AP1B1: variants seen among roughly 807,000 people sequenced by gnomAD.
The protein encoded by AP1B1 is AP-1 complex subunit beta-1.
Under a neutral mutation model 104.3 loss-of-function variants are expected in AP1B1, and 36 were observed. The observed-to-expected ratio is 0.35, with a 90% CI of 0.26 to 0.46. AP1B1 has a LOEUF of 0.46. AP1B1 is among the 20% of genes least tolerant of loss of function. The pLI, the probability that AP1B1 is intolerant of heterozygous loss-of-function variation, is 1.00. For synonymous variants in AP1B1, 504 were observed against 517.5 expected, an observed-to-expected ratio of 0.97 and a Z score of 0.35; for missense variants, 901 against 1,247.9, an observed-to-expected ratio of 0.72 and a Z score of 4.19.
intron 1 of AP1B1, among the ~76,000 whole-genome samples, chr22:29,369,948 T>C (rs1191818135): frequency 1.3e-5 from 2 of 148,586 alleles, no homozygotes; most frequent in Admixed American, 1.4e-4. Context: ...AATCAGATAA[T>C]GGGATTTCTG....
At chr22:29,335,173 T>C (rs1031914740) in intron 16 of AP1B1, among the ~76,000 whole-genome samples, 2 of 152,094 alleles carry the variant, frequency 1.3e-5, no homozygotes, top group African/African-American at 2.4e-5. Context: ...TGGGGAGTGT[T>C]TGCTGAGCAA....
At chr22:29,336,090 T>C (rs770344665) in intron 16 of AP1B1, among the ~76,000 whole-genome samples, 12 of 152,186 alleles carry the variant, frequency 7.9e-5, no homozygotes, top group Non-Finnish European at 1.6e-4. Flanking sequence ...ATCTTCAATC[T>C]TTACTGGATG....
intron 15 of AP1B1, 106 bp from the exon 16 acceptor site, chr22:29,339,239 G>T: frequency 1.5e-6 from 2 of 1,299,242 alleles, no homozygotes; most frequent in Middle Eastern, 2.6e-4. Context: ...TGGGGGCAGG[G>T]GGCAGGACAG....
chr22:29,380,480 C>T (rs2062419564), intron 1 of AP1B1, among the ~76,000 whole-genome samples: 1 of 152,152 alleles, frequency 6.6e-6, no homozygotes, highest in African/African-American at 2.4e-5. Flanking sequence ...TAGCAGGCAG[C>T]TCAAACAATG....
chr22:29,366,170 G>A (rs118179779), intron 2 of AP1B1, among the ~76,000 whole-genome samples: 3,370 of 152,244 alleles, frequency 0.022, 54 homozygotes, highest in Non-Finnish European at 0.036. Flanking sequence ...TGTCAGCCAC[G>A]ACGACATCCT....
intron 2 of AP1B1, among the ~76,000 whole-genome samples, chr22:29,364,142 C>T (rs941161781): frequency 3.3e-5 from 5 of 152,182 alleles, no homozygotes; most frequent in African/African-American, 1.2e-4. Context: ...TTTGTGGATT[C>T]CCACATGAAG....
intron 11 of AP1B1, among the ~76,000 whole-genome samples, chr22:29,343,725 G>A (rs1360376163): frequency 1.3e-5 from 2 of 152,120 alleles, no homozygotes; most frequent in Admixed American, 1.3e-4. Flanking sequence ...ACAGACCCTC[G>A]GCAAGTCATT....
At position 29,339,089 on chromosome 22, in the gene AP1B1, T is replaced by C. The variant is rs761107992; in HGVS notation, c.2064A>G (p.Pro688=). ...NFVAPPTAAV[P]ANLGAPIGSG... ...TGCCGATGGGTGCTCCAAGATTGGC[T>C]GGTACTGCTGCTGTTGGAGGTGCCA... Residue 688 remains proline, a synonymous_variant, in exon 16 of 23, where the codon CCA becomes CCG. Transcript: ENST00000357586. 11 of 1,614,018 alleles carry C rather than the reference T, an allele frequency of 6.8e-6. No individual in the cohort carries two copies. The highest frequency in any genetic ancestry group is 9.3e-6 in the Non-Finnish European group (11 of 1,180,036).
At chr22:29,360,132 T>C (rs748076511) in intron 3 of AP1B1, among the ~76,000 whole-genome samples, 173 bp from the exon 4 acceptor site, 17 of 152,106 alleles carry the variant, frequency 1.1e-4, no homozygotes, top group Non-Finnish European at 2.1e-4. Context: ...CAACACCTAT[T>C]GATAGAAAGG....
At chr22:29,338,027 T>C (rs1203265902) in intron 16 of AP1B1, among the ~76,000 whole-genome samples, 1 of 152,230 alleles carries the variant, frequency 6.6e-6, no homozygotes, top group Non-Finnish European at 1.5e-5. Flanking sequence ...CCTCCTTCAC[T>C]GATCCCTAGT....
intron 1 of AP1B1, among the ~76,000 whole-genome samples, chr22:29,376,451 G>A (rs1206266576): frequency 6.6e-6 from 1 of 152,150 alleles, no homozygotes; most frequent in Admixed American, 6.5e-5. Flanking sequence ...CATTTCACAA[G>A]GTCAGATCCA....
rs2061546225 is a variant in AP1B1 at position 29,330,790 on chromosome 22, C to G, written c.2525-81G>C. ...CTCTGTAGCTCAGCAGGAAATGGGT[C>G]TGGCCTTTACTGTGCCACGTGAAAG... On this transcript the variant is annotated intron_variant, in intron 19 of 22. Coordinates refer to ENST00000357586, the MANE Select transcript of AP1B1 (RefSeq NM_001127.4). 14 of 1,198,892 alleles carry G rather than the reference C, an allele frequency of 1.2e-5. No individual in the cohort carries two copies. The South Asian group carries it at 1.8e-4, about 15-fold the overall frequency. The allele number at this position is 1,198,892 out of a possible 1,614,324, so 74.3% of individuals were successfully genotyped here.
intron 2 of AP1B1, among the ~76,000 whole-genome samples, chr22:29,363,614 C>T (rs2062085632): frequency 6.6e-6 from 1 of 151,590 alleles, no homozygotes; most frequent in African/African-American, 2.4e-5. Flanking sequence ...CGCCACTGCA[C>T]TCCAGCCTGG....
intron 16 of AP1B1, among the ~76,000 whole-genome samples, chr22:29,336,396 C>G (rs1230211893): frequency 6.6e-6 from 1 of 152,214 alleles, no homozygotes; most frequent in East Asian, 1.9e-4. Context: ...CTCCAGGCAA[C>G]CTGCCCTGAT....
At chr22:29,355,857 C>CAA (rs35014386) in intron 6 of AP1B1, among the ~76,000 whole-genome samples, 22 of 57,848 alleles carry the variant, frequency 3.8e-4, no homozygotes, top group African/African-American at 1.3e-3. Flanking sequence ...GAGACCCTGC[C>CAA]AAAAAAAAAA....
intron 11 of AP1B1, among the ~76,000 whole-genome samples, chr22:29,344,110 C>CAAAAA (rs58337637): frequency 1.1e-5 from 1 of 89,754 alleles, no homozygotes; most frequent in African/African-American, 4.0e-5. Flanking sequence ...GACTTTGTCT[C>CAAAAA]AAAAAAAAAA....
intron 11 of AP1B1, among the ~76,000 whole-genome samples, chr22:29,344,114 A>G (rs1163653665): frequency 6.6e-6 from 1 of 151,788 alleles, no homozygotes; most frequent in Non-Finnish European, 1.5e-5. Context: ...TTGTCTCAAA[A>G]AAAAAAAAAA....
intron 5 of AP1B1, among the ~76,000 whole-genome samples, chr22:29,358,121 G>A (rs2061988218): frequency 6.6e-6 from 1 of 152,166 alleles, no homozygotes; most frequent in African/African-American, 2.4e-5. Context: ...GCTCAGAGTG[G>A]GGAATGGCTG....
chr22:29,327,825 C>A lies in AP1B1; in HGVS notation c.*996G>T, dbSNP rs1340625839. ...ACTCGGAGGCAGCTTTCAATCCTGA[C>A]ATTCGGTGGAGGGGAAAAAAGTGTC... On this transcript the variant is annotated 3_prime_UTR_variant, in exon 23 of 23. Transcript: ENST00000357586. 6.6e-6 allele frequency: 1 copy of A among 152,170 alleles called. No homozygotes were observed. The allele number at this position is 152,170 out of a possible 1,614,324, so 9.4% of individuals were successfully genotyped here.
Sources: gnomAD v4.1 joint callset for allele counts (sites outside exome capture counted in the v4.1 genomes callset) on GRCh38, gnomAD v4.1.1 for gene constraint, MANE v1.5 for transcripts, NCBI Gene and HGNC (gene_info 2026-07-23, HGNC 2026-07-21) for gene names.